MAML1: variants seen among roughly 807,000 people sequenced by gnomAD.
MAML1 encodes mastermind-like protein 1.
Under a neutral mutation model 77.1 loss-of-function variants are expected in MAML1, and 14 were observed. That is an observed-to-expected ratio of 0.18 (90% confidence interval 0.12 to 0.28). MAML1 has a LOEUF of 0.28. Ranked by LOEUF, MAML1 falls within the 10% of genes least tolerant of loss-of-function variation. The pLI, the probability that MAML1 is intolerant of heterozygous loss-of-function variation, is 1.00. For missense variants in MAML1, 1,217 were observed against 1,327.8 expected, an observed-to-expected ratio of 0.92 and a Z score of 1.30; for synonymous variants, 516 against 551.9, an observed-to-expected ratio of 0.93 and a Z score of 0.91.
At chr5:179,758,261 A>C (rs1779660461) in intron 1 of MAML1, among the ~76,000 whole-genome samples, 1 of 152,212 alleles carries the variant, frequency 6.6e-6, no homozygotes, top group South Asian at 2.1e-4. Flanking sequence ...AGTTCTTATC[A>C]TGCTGAGTGG....
intron 1 of MAML1, among the ~76,000 whole-genome samples, chr5:179,733,673 G>A (rs753667831): frequency 4.6e-5 from 7 of 152,268 alleles, no homozygotes; most frequent in Non-Finnish European, 1.0e-4. Context: ...GAAGGCTGGC[G>A]AACGCTAACC....
At position 179,775,159 on chromosome 5, in the gene MAML1, C is replaced by CA. The variant is rs146455656; in HGVS notation, c.*288dup. ...AAAGGTGGTTTTCTATCCAAACGAC[C>CA]AAAAAACCAACAGTAACACCAGTGA... On this transcript the variant is annotated 3_prime_UTR_variant, in exon 5 of 5. Coordinates refer to ENST00000292599, the MANE Select transcript of MAML1 (RefSeq NM_014757.5). 1 of 1,144,004 alleles carries CA rather than the reference C, an allele frequency of 8.7e-7. No homozygotes were observed. Among genetic ancestry groups the CA allele is most frequent in the Non-Finnish European group, 1.1e-6 (1 of 930,538 alleles). The allele number at this position is 1,144,004 out of a possible 1,614,324, so 70.9% of individuals were successfully genotyped here. A position where few individuals can be genotyped will look rare whatever the true frequency, so the allele number is the denominator to read the frequency against.
chr5:179,771,210 G>A lies in MAML1; in HGVS notation c.2035G>A (p.Gly679Ser), dbSNP rs1024794261. 6.2e-7 allele frequency: 1 copy of A among 1,614,144 alleles called. No homozygotes were observed. Among genetic ancestry groups the A allele is most frequent in the African/African-American group, 1.3e-5 (1 of 75,040 alleles). ...PPPQYQDPTQGSFPQQVGQFT... is the reference protein window; with the variant it reads ...PPPQYQDPTQSSFPQQVGQFT... ...ACCCCAGTACCAAGACCCGACACAA[G>A]GCAGCTTCCCACAGCAGGTTGGACA... is the stretch of plus-strand genomic sequence containing the variant. Residue 679 changes from glycine (G) to serine (S), a missense_variant, in exon 4 of 5, where the codon GGC (glycine) becomes AGC (serine). By Grantham distance (56) the Gly-to-Ser change is moderately conservative (BLOSUM62 0). Transcript: ENST00000292599. This position sits in a 1 kb window ranked among gnomAD's most constrained non-coding sequence, Gnocchi z 4.7.
intron 1 of MAML1, among the ~76,000 whole-genome samples, chr5:179,756,298 G>T (rs904349055): frequency 6.6e-6 from 1 of 151,610 alleles, no homozygotes; most frequent in African/African-American, 2.4e-5. Flanking sequence ...GGTGGCGGGC[G>T]CCTGTGGTCC....
At chr5:179,748,944 G>GTT (rs1389645853) in intron 1 of MAML1, among the ~76,000 whole-genome samples, 4 of 103,796 alleles carry the variant, frequency 3.9e-5, no homozygotes, top group Non-Finnish European at 6.8e-5. Flanking sequence ...AGAAAAAGGT[G>GTT]TTTTTGTTTT....
chr5:179,733,413 G>C lies in MAML1; in HGVS notation c.301G>C (p.Gly101Arg). 2.7e-6 allele frequency: 3 copies of C among 1,108,010 alleles called. No individual in the cohort carries two copies. Among genetic ancestry groups the C allele is most frequent in the Non-Finnish European group, 3.3e-6 (3 of 912,342 alleles). 68.6% of individuals were successfully genotyped at this position (1,108,010 alleles called of 1,614,324 possible). A position where few individuals can be genotyped will look rare whatever the true frequency, so the allele number is the denominator to read the frequency against. ...RLDAADGPEH[G>R]RPATHLHDTV... The stretch of plus-strand genomic sequence containing the variant: ...GGACGCCGCTGACGGCCCCGAGCAC[G>C]GCCGCCCGGCCACGGTGAGTAGGGC... Residue 101 changes from glycine to arginine, a missense_variant, in exon 1 of 5, where the codon GGC becomes CGC. Around this residue, in one of 3 missense-constraint regions of MAML1, gnomAD observed 312 missense variants for 331.4 expected, o/e 0.94. Transcript: ENST00000292599.
intron 1 of MAML1, among the ~76,000 whole-genome samples, chr5:179,749,781 CTGCAGCAG>C (rs1779451630): frequency 6.7e-6 from 1 of 150,178 alleles, no homozygotes; most frequent in Non-Finnish European, 1.5e-5. Context: ...CTGAGCCATA[CTGCAGCAG>C]TGCAACCCAC....
At position 179,766,635 on chromosome 5, in the gene MAML1, A is replaced by G; in HGVS notation, c.1625A>G (p.Tyr542Cys). 2 of 1,612,796 alleles carry G rather than the reference A, an allele frequency of 1.2e-6. No homozygotes were observed. The highest frequency in any genetic ancestry group is 2.2e-5 in the South Asian group (2 of 91,004). ...SGQSKPALMA[Y>C]LPQQLSHISH... ...CAGAGCAAGCCAGCCCTGATGGCTT[A>G]TCTTCCCCAGCAGCTGTCCCATATA... The change falls in exon 2 of 5, where the codon TAT becomes TGT. Residue 542 changes from tyrosine (Y) to cysteine (C), a missense_variant. Transcript: ENST00000292599. The surrounding 1 kb of genome is among the most constrained non-coding windows in gnomAD (Gnocchi z 4.0).
chr5:179,777,265 T>C lies in MAML1; in HGVS notation c.*2388T>C. The C allele has an allele frequency of 1.0e-6, 1 of 959,128 alleles. No individual in the cohort carries two copies. The highest frequency in any genetic ancestry group is 1.8e-5 in the African/African-American group (1 of 56,746). The allele number at this position is 959,128 out of a possible 1,614,324, so 59.4% of individuals were successfully genotyped here. On this transcript the variant is annotated 3_prime_UTR_variant, in exon 5 of 5. Transcript: ENST00000292599. Reference sequence around the variant, plus strand: ...TTGTTTTATCATTATAAAAATAAAGTATTTTGCTAGTATGGAAACAACCTT... The same window carrying C: ...TTGTTTTATCATTATAAAAATAAAGCATTTTGCTAGTATGGAAACAACCTT...
At position 179,766,205 on chromosome 5, in the gene MAML1, C is replaced by G; in HGVS notation, c.1195C>G (p.Leu399Val). The G allele has an allele frequency of 6.2e-7, 1 of 1,611,650 alleles. No homozygotes were observed. Among genetic ancestry groups the G allele is most frequent in the South Asian group, 1.1e-5 (1 of 90,676 alleles). Reference protein sequence around the residue: ...GASELSSAHQLQQIAAKQKRE... With the variant: ...GASELSSAHQVQQIAAKQKRE... ...CTCAGAGCTGTCCTCTGCCCACCAG[C>G]TCCAGCAGATCGCTGCCAAGCAGAA... Residue 399 changes from leucine (L) to valine (V), a missense_variant, in exon 2 of 5, where the codon CTC becomes GTC. Physicochemically the swap from Leu to Val is conservative, Grantham distance 32 (BLOSUM62 1). Around this residue, in one of 3 missense-constraint regions of MAML1, gnomAD observed 884 missense variants for 949.3 expected, o/e 0.93. Coordinates refer to ENST00000292599, the MANE Select transcript of MAML1 (RefSeq NM_014757.5). This position sits in a 1 kb window ranked among gnomAD's most constrained non-coding sequence, Gnocchi z 4.0.
intron 1 of MAML1, among the ~76,000 whole-genome samples, chr5:179,755,681 C>T (rs1779597360): frequency 6.6e-6 from 1 of 150,810 alleles, no homozygotes; most frequent in African/African-American, 2.4e-5. Flanking sequence ...TCTTAAAACA[C>T]TATGAGATTT....
At position 179,774,722 on chromosome 5, in the gene MAML1, G is replaced by T. The variant is rs761173578; in HGVS notation, c.2896G>T (p.Ala966Ser). The change falls in exon 5 of 5, where the codon GCG becomes TCG. Residue 966 changes from alanine to serine, a missense_variant. Physicochemically the swap from Ala to Ser is moderately conservative, Grantham distance 99. Transcript: ENST00000292599. ...HCTQAYPVRT[A>S]GQELPFAYSG... ...CACCCAGGCCTACCCTGTGCGGACCGCGGGCCAGGAGCTGCCTTTTGCCTA... is the reference window on the plus strand; with the variant it reads ...CACCCAGGCCTACCCTGTGCGGACCTCGGGCCAGGAGCTGCCTTTTGCCTA... 9.9e-6 allele frequency: 16 copies of T among 1,611,144 alleles called. No homozygotes were observed. Among genetic ancestry groups the T allele is most frequent in the African/African-American group, 9.3e-5 (7 of 74,946 alleles).
chr5:179,753,809 A>G (rs1160443420), intron 1 of MAML1, among the ~76,000 whole-genome samples: 1 of 151,588 alleles, frequency 6.6e-6, no homozygotes, highest in Non-Finnish European at 1.5e-5. Context: ...GCTAGCTGGG[A>G]CTACAGGTGT....
intron 1 of MAML1, among the ~76,000 whole-genome samples, chr5:179,764,826 C>T (rs1779783651): frequency 6.6e-6 from 1 of 152,034 alleles, no homozygotes; most frequent in Non-Finnish European, 1.5e-5. Context: ...TAGCCAGGCA[C>T]AGTGGTGCAC....
chr5:179,747,088 A>G (rs1485956716), intron 1 of MAML1, among the ~76,000 whole-genome samples: 1 of 152,182 alleles, frequency 6.6e-6, no homozygotes, highest in Non-Finnish European at 1.5e-5. Flanking sequence ...ATGGTGCACT[A>G]CAGCCTTCAA....
chr5:179,775,861 C>A lies in MAML1; in HGVS notation c.*984C>A. 1.0e-6 allele frequency: 1 copy of A among 985,508 alleles called. No homozygotes were observed. Among genetic ancestry groups the A allele is most frequent in the Non-Finnish European group, 1.2e-6 (1 of 829,930 alleles). The allele number at this position is 985,508 out of a possible 1,614,324, so 61.0% of individuals were successfully genotyped here. A position where few individuals can be genotyped will look rare whatever the true frequency, so the allele number is the denominator to read the frequency against. ...CCAAATGGAAAACAATTATTTACTC[C>A]ATTGGAGGGAAAGGAAGAGTCTTAG... On this transcript the variant is annotated 3_prime_UTR_variant, in exon 5 of 5. Coordinates refer to ENST00000292599, the MANE Select transcript of MAML1 (RefSeq NM_014757.5).
intron 1 of MAML1, among the ~76,000 whole-genome samples, chr5:179,748,463 A>C (rs1001772335): frequency 6.6e-6 from 1 of 151,168 alleles, no homozygotes; most frequent in Non-Finnish European, 1.5e-5. Context: ...AGTGAGACAG[A>C]AACTGTGATT....
intron 1 of MAML1, among the ~76,000 whole-genome samples, chr5:179,753,138 A>G (rs537961809): frequency 5.3e-5 from 8 of 150,602 alleles, no homozygotes; most frequent in African/African-American, 2.0e-4. Flanking sequence ...TGTATTTATA[A>G]TTACTGATTT....
chr5:179,747,651 A>T (rs1037957936), intron 1 of MAML1, among the ~76,000 whole-genome samples: 10 of 152,030 alleles, frequency 6.6e-5, no homozygotes, highest in Non-Finnish European at 1.0e-4. Flanking sequence ...TCTACTAAAA[A>T]TACAAAAAAT....
Sources: allele counts gnomAD v4.1 joint callset (sites outside exome capture counted in the v4.1 genomes callset), GRCh38; gene constraint gnomAD v4.1.1; regional missense constraint gnomAD v4.1.1; non-coding constraint Gnocchi (gnomAD v3.1); transcripts MANE v1.5; gene names NCBI Gene and HGNC (gene_info 2026-07-23, HGNC 2026-07-21).